FHDC1: variants seen among roughly 807,000 people sequenced by gnomAD.
The protein encoded by FHDC1 is FH2 domain-containing protein 1.
A neutral mutation model predicts 52.6 loss-of-function variants in FHDC1; 25 were observed. The ratio of observed to expected loss-of-function variants is 0.48; its 90% CI spans 0.35 to 0.66. The LOEUF (loss-of-function observed/expected upper bound fraction) is 0.66, where lower values mean the gene tolerates loss of function less well. Ranked by LOEUF, FHDC1 falls within the 30% of genes least tolerant of loss-of-function variation. FHDC1 has a pLI of 0.01. For missense variants in FHDC1, 1,459 were observed against 1,452.8 expected (o/e 1.00, Z -0.07); for synonymous variants, 616 against 581.5 (o/e 1.06, Z -0.85).
intron 10 of FHDC1, among the ~76,000 whole-genome samples, chr4:152,969,131 G>T (rs1039953535): frequency 3.3e-4 from 50 of 151,324 alleles, no homozygotes; most frequent in African/African-American, 1.1e-3. Context: ...AGTCTTCAGC[G>T]AAAGGCTATG....
In FHDC1 at chr4:152,936,354, A is replaced by C. The variant is rs1451947338; in HGVS notation, c.-186A>C. 1.3e-5 allele frequency: 2 copies of C among 152,124 alleles called. No individual in the cohort carries two copies. The highest frequency in any genetic ancestry group is 4.8e-5 in the African/African-American group (2 of 41,398). 9.4% of individuals were successfully genotyped at this position (152,124 alleles called of 1,614,324 possible). A position where few individuals can be genotyped will look rare whatever the true frequency, so the allele number is the denominator to read the frequency against. On this transcript the variant is annotated 5_prime_UTR_variant, in exon 1 of 12. Transcript: ENST00000511601. ...CGGGAGGAGGCGGCTACGCCGACAC[A>C]ACGGCGGGAGGCTGCAGCGGTCTGC...
chr4:152,951,960 A>G (rs753687932), intron 2 of FHDC1, among the ~76,000 whole-genome samples: 9 of 152,212 alleles, frequency 5.9e-5, no homozygotes, highest in Non-Finnish European at 1.3e-4. Flanking sequence ...TAGCTATCCC[A>G]TATTTCATTA....
intron 4 of FHDC1, among the ~76,000 whole-genome samples, chr4:152,955,097 C>G (rs1740043835): frequency 6.6e-6 from 1 of 151,668 alleles, no homozygotes; most frequent in South Asian, 2.1e-4. Flanking sequence ...AATCCATATA[C>G]TTTTTTTAAA....
At chr4:152,913,275 A>G in the FHDC1 span, among the ~76,000 whole-genome samples, 3 of 152,244 alleles carry the variant, frequency 2.0e-5, no homozygotes, top group Non-Finnish European at 4.4e-5. Flanking sequence ...CAAAGTATGC[A>G]AGATGCTTGC....
At position 152,974,944 on chromosome 4, in the gene FHDC1, G is replaced by A; in HGVS notation, c.1653G>A (p.Leu551=). The change falls in exon 12 of 12, where the codon CTG becomes CTA. Residue 551 remains leucine, a synonymous_variant. Transcript: ENST00000511601. The part of the protein sequence containing the change: ...LSLGPSADRE[L]LTFLESSTGS... ...TGGGTCCCTCTGCTGACCGGGAGCT[G>A]CTGACCTTCTTGGAGAGCTCCACCG... The A allele has an allele frequency of 6.2e-7, 1 of 1,612,532 alleles. No individual in the cohort carries two copies. The highest frequency in any genetic ancestry group is 1.1e-5 in the South Asian group (1 of 91,048).
intron 2 of FHDC1, among the ~76,000 whole-genome samples, chr4:152,945,826 T>A (rs1474951450): frequency 6.6e-6 from 1 of 152,166 alleles, no homozygotes; most frequent in Admixed American, 6.5e-5. Flanking sequence ...CCACCTTCCC[T>A]CTCCGGAACA....
chr4:152,946,565 T>G (rs1460048903), intron 2 of FHDC1, among the ~76,000 whole-genome samples: 1 of 152,236 alleles, frequency 6.6e-6, no homozygotes, highest in Non-Finnish European at 1.5e-5. Flanking sequence ...CAACTCACTT[T>G]GCAGTAAGCG....
At chr4:152,941,282 A>G (rs1233527786) in intron 1 of FHDC1, among the ~76,000 whole-genome samples, 1 of 152,258 alleles carries the variant, frequency 6.6e-6, no homozygotes, top group Non-Finnish European at 1.5e-5. Context: ...ATAGCAAAGA[A>G]TGGAAATATT....
At chr4:152,972,677 C>A in intron 11 of FHDC1, 136 bp downstream of exon 11, 2 of 1,057,700 alleles carry the variant, frequency 1.9e-6, no homozygotes, top group Non-Finnish European at 2.7e-6. Flanking sequence ...GGTGGTATTG[C>A]CAGGCTCTCG....
chr4:152,954,241 T>G lies in FHDC1; in HGVS notation c.585T>G (p.Asp195Glu). The change falls in exon 4 of 12, where the codon GAT (aspartate) becomes GAG (glutamate). Residue 195 changes from aspartate (D) to glutamate (E), a missense_variant. Physicochemically the swap from Asp to Glu is conservative, Grantham distance 45. Coordinates refer to ENST00000511601, the MANE Select transcript of FHDC1 (RefSeq NM_001371116.1). ...GGTCTCCTCGGTCCATTGTAGAAGA[T>G]ATTCATCAAGGAAAAAGTGAGCATT... ...FKKSPRSIVE[D>E]IHQGKSEHYG... 6.2e-7 allele frequency: 1 copy of G among 1,614,112 alleles called. No individual in the cohort carries two copies. The highest frequency in any genetic ancestry group is 8.5e-7 in the Non-Finnish European group (1 of 1,179,954).
intron 1 of FHDC1, among the ~76,000 whole-genome samples, chr4:152,938,509 C>T (rs1739470645): frequency 6.6e-6 from 1 of 152,106 alleles, no homozygotes; most frequent in Non-Finnish European, 1.5e-5. Context: ...GGAGCCTTTT[C>T]CCGAATTAGT....
chr4:152,914,929 T>C, the FHDC1 span, among the ~76,000 whole-genome samples: 1 of 150,808 alleles, frequency 6.6e-6, no homozygotes, highest in Non-Finnish European at 1.5e-5. Context: ...CATTATAGAG[T>C]AGTGAGAGGA....
At chr4:152,973,394 T>A (rs967124519) in intron 11 of FHDC1, among the ~76,000 whole-genome samples, 14 of 152,210 alleles carry the variant, frequency 9.2e-5, no homozygotes, top group African/African-American at 3.4e-4. Context: ...CTCTATCCAG[T>A]TAAGAGAAGG....
chr4:152,947,216 CAAAAAAAA>C (rs781228959), intron 2 of FHDC1, among the ~76,000 whole-genome samples: 1 of 69,932 alleles, frequency 1.4e-5, no homozygotes, highest in African/African-American at 5.2e-5. Flanking sequence ...AAGACTGTCT[CAAAAAAAA>C]AAAAAAAGAA....
intron 10 of FHDC1, among the ~76,000 whole-genome samples, chr4:152,968,752 A>G (rs891270369): frequency 6.6e-6 from 1 of 152,250 alleles, no homozygotes; most frequent in African/African-American, 2.4e-5. Context: ...CACTTGGGCT[A>G]TACCTGGCAA....
In FHDC1 at chr4:152,978,664, T is replaced by A. The variant is rs919042488; in HGVS notation, c.*1941T>A. 4 of 152,204 alleles carry A rather than the reference T, an allele frequency of 2.6e-5. No homozygotes were observed. The highest frequency in any genetic ancestry group is 2.1e-4 in the South Asian group (1 of 4,824). 9.4% of individuals were successfully genotyped at this position (152,204 alleles called of 1,614,324 possible). ...TTAAGAAACTTTTTTGTGTTTTTTT[T>A]AATTTTAGGTCACTTATTAGTGAAA... On this transcript the variant is annotated 3_prime_UTR_variant, in exon 12 of 12. Coordinates refer to ENST00000511601, the MANE Select transcript of FHDC1 (RefSeq NM_001371116.1).
chr4:152,961,340 T>C (rs1453670290), intron 6 of FHDC1, among the ~76,000 whole-genome samples: 1 of 152,218 alleles, frequency 6.6e-6, no homozygotes, highest in Admixed American at 6.5e-5. Flanking sequence ...GTTTCTGTTC[T>C]GTGGTGTCGT....
chr4:152,932,389 G>A (rs1182377278), upstream of FHDC1, among the ~76,000 whole-genome samples: 2 of 147,018 alleles, frequency 1.4e-5, no homozygotes, highest in Non-Finnish European at 3.0e-5. Context: ...GCAACAGAGT[G>A]AGACTCTATC....
rs1339896128 is a variant in FHDC1, at chr4:152,978,142, G to A, written c.*1419G>A. 1 of 152,188 alleles carries A rather than the reference G, an allele frequency of 6.6e-6. No homozygotes were observed. The highest frequency in any genetic ancestry group is 2.4e-5 in the African/African-American group (1 of 41,444). 9.4% of individuals were successfully genotyped at this position (152,188 alleles called of 1,614,324 possible). ...AGAAGTGCCATATTTTAGTGGAAAG[G>A]CATCAGGGCTGTTTGACAGTGTGCG... On this transcript the variant is annotated 3_prime_UTR_variant, in exon 12 of 12. Transcript: ENST00000511601.
Sources: allele counts gnomAD v4.1 joint callset (sites outside exome capture counted in the v4.1 genomes callset), GRCh38; gene constraint gnomAD v4.1.1; transcripts MANE v1.5; gene names NCBI Gene and HGNC (gene_info 2026-07-23, HGNC 2026-07-21).